Variants in LAMA2 observed in about 807,000 individuals in gnomAD.
LAMA2 encodes the protein laminin subunit alpha 2, also known as laminin subunit alpha-2.
LAMA2 carries 269 observed loss-of-function variants against 364.8 expected under a neutral mutation model. The observed-to-expected ratio is 0.74, with a 90% CI of 0.67 to 0.82. LAMA2 has a LOEUF of 0.82. LAMA2 is among the 40% of genes least tolerant of loss of function. The probability of loss-of-function intolerance (pLI) is 0.00; values close to 1 mark genes in which losing one functional copy is unlikely to be tolerated. For synonymous variants in LAMA2, 1,379 were observed against 1,370.6 expected (o/e 1.01, Z -0.14); for missense variants, 3,807 against 3,873.2 (o/e 0.98, Z 0.45).
intron 12 of LAMA2, among the ~76,000 whole-genome samples, chr6:129,234,584 T>C (rs972419822): frequency 6.6e-6 from 1 of 152,192 alleles, no homozygotes; most frequent in Non-Finnish European, 1.5e-5. Flanking sequence ...ACAGTTTAAA[T>C]TGAATAAGTA....
intron 16 of LAMA2, among the ~76,000 whole-genome samples, chr6:129,269,730 A>G (rs1787789218): frequency 6.6e-5 from 10 of 152,128 alleles, no homozygotes; most frequent in Admixed American, 6.6e-4. Context: ...TAGTTTAGCT[A>G]AACTTAAAAA....
intron 1 of LAMA2, among the ~76,000 whole-genome samples, chr6:128,948,422 C>T (rs1487335015): frequency 2.0e-5 from 3 of 152,090 alleles, no homozygotes; most frequent in Admixed American, 1.3e-4. Context: ...CCTAACCTGA[C>T]CCCAGTCTAC....
intron 24 of LAMA2, among the ~76,000 whole-genome samples, chr6:129,315,024 C>T (rs1774489537): frequency 6.6e-6 from 1 of 152,014 alleles, no homozygotes; most frequent in African/African-American, 2.4e-5. Context: ...GAAATAGATG[C>T]CAAGTGAAAA....
chr6:129,465,183 A>G lies in LAMA2; in HGVS notation c.7194A>G (p.Ile2398Met). 1.2e-6 allele frequency: 2 copies of G among 1,611,200 alleles called. No homozygotes were observed. The highest frequency in any genetic ancestry group is 4.5e-5 in the East Asian group (2 of 44,764). ...GTGTGGAGCTCACTGATGGGCACAT[A>G]AAAGTCAGTTACGATCTGGGCTCAG... The part of the protein sequence containing the change: ...FMSVELTDGH[I>M]KVSYDLGSGM... The change falls in exon 51 of 65, where the codon ATA becomes ATG. Residue 2398 changes from isoleucine (I) to methionine (M), a missense_variant. Around this residue, in one of 3 missense-constraint regions of LAMA2, gnomAD observed 3,333 missense variants for 3,345.7 expected, o/e 1.00. Coordinates refer to ENST00000421865, the MANE Select transcript of LAMA2 (RefSeq NM_000426.4).
intron 4 of LAMA2, among the ~76,000 whole-genome samples, chr6:129,136,503 T>TGA (rs1777800201): frequency 6.7e-6 from 1 of 148,822 alleles, no homozygotes; most frequent in African/African-American, 2.5e-5. Flanking sequence ...TGATACAACA[T>TGA]GAGAGAGAGA....
intron 12 of LAMA2, among the ~76,000 whole-genome samples, chr6:129,220,078 A>G (rs1050672392): frequency 1.3e-5 from 2 of 152,178 alleles, no homozygotes; most frequent in Non-Finnish European, 2.9e-5. Flanking sequence ...TGTTTTGAGG[A>G]AAAAATTTGC....
Position 129,042,236 on chromosome 6 carries a change from C to T in LAMA2, c.113-7682C>T, listed in dbSNP as rs564306263. On this transcript the variant is annotated intron_variant, in intron 1 of 64. Transcript: ENST00000421865. Reference sequence around the variant, plus strand: ...AGGAGAATCACTTGAACCTGAGAGGCGGAGGTTGCAGTGAGTTGGGATCAT... The same window carrying T: ...AGGAGAATCACTTGAACCTGAGAGGTGGAGGTTGCAGTGAGTTGGGATCAT... Among the ~76,000 whole-genome samples the T allele has an allele frequency of 3.3e-5, 5 of 151,482 alleles. No homozygotes were observed. In the East Asian group the frequency reaches 7.8e-4, roughly 24 times the overall value.
At chr6:129,033,364 CT>C (rs1786374748) in intron 1 of LAMA2, among the ~76,000 whole-genome samples, 1 of 152,012 alleles carries the variant, frequency 6.6e-6, no homozygotes, top group African/African-American at 2.4e-5. Context: ...TCAAGCTGTC[CT>C]TAAGGACCAG....
At chr6:129,329,121 C>A (rs932137428) in intron 29 of LAMA2, among the ~76,000 whole-genome samples, 8 of 152,166 alleles carry the variant, frequency 5.3e-5, no homozygotes, top group African/African-American at 1.4e-4. Context: ...GCCCCTGTCA[C>A]CACTTGTCCC....
chr6:129,434,364 T>C (rs921607989), intron 41 of LAMA2, among the ~76,000 whole-genome samples: 2 of 152,156 alleles, frequency 1.3e-5, no homozygotes, highest in Non-Finnish European at 2.9e-5. Flanking sequence ...ACATTTTTCT[T>C]CTACTCTATG....
intron 48 of LAMA2, 125 bp from the exon 49 acceptor site, chr6:129,460,075 T>A (rs1320907813): frequency 1.1e-6 from 1 of 923,354 alleles, no homozygotes; most frequent in Non-Finnish European, 1.8e-6. Context: ...TATGTACATA[T>A]GCCAAAATAT....
At chr6:129,412,793 G>A (rs752019455) in intron 40 of LAMA2, among the ~76,000 whole-genome samples, 11 of 152,130 alleles carry the variant, frequency 7.2e-5, no homozygotes, top group Non-Finnish European at 1.5e-4. Context: ...GAGAAAAAAT[G>A]AAGAGACATG....
intron 63 of LAMA2, among the ~76,000 whole-genome samples, chr6:129,514,008 G>T (rs901872593): frequency 6.6e-6 from 1 of 152,074 alleles, no homozygotes; most frequent in African/African-American, 2.4e-5. Flanking sequence ...ATTTTATAAG[G>T]TTCAGTCAGA....
chr6:129,514,594 A>G lies in LAMA2; in HGVS notation c.9210A>G (p.Pro3070=). Residue 3070 remains proline (P), a splice_region_variant and synonymous_variant, in exon 64 of 65, where the codon CCA becomes CCG. Transcript: ENST00000421865. ...TNDPVFVGGF[P]DDLKQFGLTT... Reference sequence around the variant, plus strand: ...ACCCTGTGTTTGTTGGAGGCTTCCCAGGTGAGTGTTGGCTACCCCAGCAAC... The same window carrying G: ...ACCCTGTGTTTGTTGGAGGCTTCCCGGGTGAGTGTTGGCTACCCCAGCAAC... 6.2e-7 allele frequency: 1 copy of G among 1,612,844 alleles called. No individual in the cohort carries two copies.
chr6:129,422,448 G>T (rs142283378), intron 40 of LAMA2, among the ~76,000 whole-genome samples: 1 of 152,148 alleles, frequency 6.6e-6, no homozygotes, highest in Admixed American at 6.5e-5. Flanking sequence ...TCAATACATT[G>T]ATAATCATCC....
rs756012780 is a variant in LAMA2 at position 129,372,701 on chromosome 6, TTAG to T, written c.4959+2713_4959+2715del. On this transcript the variant is annotated intron_variant, in intron 34 of 64. Coordinates refer to ENST00000421865, the MANE Select transcript of LAMA2 (RefSeq NM_000426.4). ...GCTGGATGGTATGGTAAGAGTATAT[TTAG>T]TTTTGAAAGAAATTACCAAAATGTA... is the stretch of plus-strand genomic sequence containing the variant. Among the ~76,000 whole-genome samples, 66 of 152,290 alleles carry T rather than the reference TTAG, an allele frequency of 4.3e-4. No homozygotes were observed. The Middle Eastern group carries it at 0.014, about 31-fold the overall frequency.
chr6:129,219,235 A>G (rs1783629448), intron 12 of LAMA2, among the ~76,000 whole-genome samples: 1 of 152,232 alleles, frequency 6.6e-6, no homozygotes, highest in Admixed American at 6.5e-5. Flanking sequence ...AATGCTCACC[A>G]TCACTGGCCA....
At chr6:129,077,431 G>A (rs953979204) in intron 3 of LAMA2, among the ~76,000 whole-genome samples, 9 of 151,990 alleles carry the variant, frequency 5.9e-5, no homozygotes, top group African/African-American at 2.2e-4. Context: ...TAAATTAATG[G>A]CAAAATTTAT....
chr6:129,159,408 G>A (rs978001419), intron 8 of LAMA2, among the ~76,000 whole-genome samples: 7 of 152,154 alleles, frequency 4.6e-5, no homozygotes, highest in African/African-American at 1.7e-4. Flanking sequence ...GTCTCTTCCC[G>A]GGCTCCTTGC....
Sources: gnomAD v4.1 joint callset for allele counts (sites outside exome capture counted in the v4.1 genomes callset) on GRCh38, gnomAD v4.1.1 for gene constraint, gnomAD v4.1.1 regional missense constraint, MANE v1.5 for transcripts, NCBI Gene and HGNC (gene_info 2026-07-23, HGNC 2026-07-21) for gene names.